The following VTI1A variants were observed in gnomAD, a reference collection of about 807,000 sequenced individuals.
VTI1A encodes the protein vesicle transport through interaction with t-SNAREs 1A.
VTI1A carries 22 observed loss-of-function variants against 34.9 expected under a neutral mutation model. The ratio of observed to expected loss-of-function variants is 0.63; its 90% CI spans 0.45 to 0.90. The LOEUF (loss-of-function observed/expected upper bound fraction) is 0.90, where lower values mean the gene tolerates loss of function less well. VTI1A is among the 40% of genes least tolerant of loss of function. The probability of loss-of-function intolerance (pLI) is 0.00; values close to 1 mark genes in which losing one functional copy is unlikely to be tolerated. For missense variants in VTI1A, 268 were observed against 275.6 expected (o/e 0.97, Z 0.20); for synonymous variants, 87 against 97.3 (o/e 0.89, Z 0.62).
intron 5 of VTI1A, among the ~76,000 whole-genome samples, chr10:112,662,249 G>GT (rs1195319603): frequency 3.9e-5 from 6 of 151,996 alleles, no homozygotes; most frequent in African/African-American, 1.4e-4. Flanking sequence ...TATTCATACC[G>GT]TTTTTTTGTC....
chr10:112,627,204 G>C (rs1347922035), intron 5 of VTI1A, among the ~76,000 whole-genome samples: 1 of 152,092 alleles, frequency 6.6e-6, no homozygotes, highest in East Asian at 1.9e-4. Flanking sequence ...GATAGACCTT[G>C]GGATTCTATT....
intron 5 of VTI1A, among the ~76,000 whole-genome samples, chr10:112,663,760 C>A (rs1003223134): frequency 6.6e-6 from 1 of 152,308 alleles, no homozygotes; most frequent in East Asian, 1.9e-4. Flanking sequence ...GTGTCAATCC[C>A]TCTGCTTCCT....
At chr10:112,634,342 C>T (rs983098207) in intron 5 of VTI1A, 1 of 152,534 alleles carries the variant, frequency 6.6e-6, no homozygotes, top group Admixed American at 6.5e-5. Context: ...CCTGAAGGCA[C>T]CCTCTCATAT....
intron 7 of VTI1A, among the ~76,000 whole-genome samples, chr10:112,759,955 G>A (rs963297623): frequency 9.9e-5 from 15 of 152,208 alleles, no homozygotes; most frequent in African/African-American, 1.2e-4. Flanking sequence ...GAGAAGTGAC[G>A]GGGCAGTTTG....
chr10:112,757,525 C>T (rs553892343), intron 7 of VTI1A, among the ~76,000 whole-genome samples: 3 of 150,556 alleles, frequency 2.0e-5, no homozygotes, highest in East Asian at 3.9e-4. Context: ...ACTGGGAATA[C>T]AGGCACGGGC....
At chr10:112,613,192 A>G (rs1488624454) in intron 5 of VTI1A, among the ~76,000 whole-genome samples, 2 of 152,210 alleles carry the variant, frequency 1.3e-5, no homozygotes, top group Admixed American at 1.3e-4. Context: ...ATTTTATACC[A>G]TTCAATATAC....
chr10:112,578,295 A>G (rs532546896), intron 5 of VTI1A, among the ~76,000 whole-genome samples: 4 of 152,292 alleles, frequency 2.6e-5, no homozygotes, highest in East Asian at 1.9e-4. Flanking sequence ...AGACGCAGCA[A>G]TTTGGCTCTG....
intron 7 of VTI1A, chr10:112,752,557 A>C (rs1010662771): frequency 1.0e-6 from 1 of 985,312 alleles, no homozygotes; most frequent in African/African-American, 1.7e-5. Flanking sequence ...TTCAGGGGGA[A>C]CATGCTTTGG....
At chr10:112,715,767 G>A (rs563714407) in intron 7 of VTI1A, among the ~76,000 whole-genome samples, 11 of 152,318 alleles carry the variant, frequency 7.2e-5, no homozygotes, top group South Asian at 2.1e-4. Context: ...CTTCAAGGGC[G>A]CAGTCAGCTT....
intron 7 of VTI1A, among the ~76,000 whole-genome samples, chr10:112,763,889 T>C (rs1390019004): frequency 1.3e-5 from 2 of 152,220 alleles, no homozygotes; most frequent in African/African-American, 4.8e-5. Context: ...ACTGCTTCAC[T>C]GGCATCTACA....
chr10:112,551,243 CAA>C (rs1161935841), intron 5 of VTI1A, among the ~76,000 whole-genome samples: 2,650 of 21,420 alleles, frequency 0.12, 9 homozygotes, highest in African/African-American at 0.18. Flanking sequence ...TACTCCATCT[CAA>C]AAAAAAAAAA....
chr10:112,447,668 G>C (rs534643128), intron 1 of VTI1A, among the ~76,000 whole-genome samples: 1 of 152,298 alleles, frequency 6.6e-6, no homozygotes, highest in African/African-American at 2.4e-5. Context: ...AGAGCCTTCG[G>C]AATCTGAGCC....
At chr10:112,687,778 G>A (rs930842925) in intron 7 of VTI1A, among the ~76,000 whole-genome samples, 19 of 151,918 alleles carry the variant, frequency 1.3e-4, no homozygotes, top group African/African-American at 4.4e-4. Context: ...CTCAGAAGAA[G>A]GAGGGGCTGA....
At chr10:112,533,966 C>T (rs991969790) in intron 4 of VTI1A, among the ~76,000 whole-genome samples, 2 of 151,922 alleles carry the variant, frequency 1.3e-5, no homozygotes, top group Non-Finnish European at 2.9e-5. Flanking sequence ...CTTAAATAAA[C>T]TCCTTTCCCC....
chr10:112,521,418 G>C (rs950384425), intron 3 of VTI1A, among the ~76,000 whole-genome samples: 3 of 151,986 alleles, frequency 2.0e-5, no homozygotes, highest in Admixed American at 2.0e-4. Flanking sequence ...AGCCATGTAT[G>C]CCTACTAGTT....
chr10:112,488,159 A>C (rs750392779), intron 3 of VTI1A, among the ~76,000 whole-genome samples: 1 of 152,206 alleles, frequency 6.6e-6, no homozygotes, highest in African/African-American at 2.4e-5. Context: ...TGTTTGTACT[A>C]TCAGGTACTA....
chr10:112,502,024 C>CTTTTTTT (rs71489973), intron 3 of VTI1A, among the ~76,000 whole-genome samples: 1 of 119,352 alleles, frequency 8.4e-6, no homozygotes, highest in Non-Finnish European at 1.7e-5. Flanking sequence ...AGAATCCTTA[C>CTTTTTTT]TTTTTTTTTT....
At chr10:112,489,669 G>A (rs1163741335) in intron 3 of VTI1A, among the ~76,000 whole-genome samples, 1 of 152,110 alleles carries the variant, frequency 6.6e-6, no homozygotes, top group East Asian at 1.9e-4. Flanking sequence ...GCTTATAAGT[G>A]CAGGAAATGT....
chr10:112,768,063 C>G (rs1299085489), intron 7 of VTI1A, among the ~76,000 whole-genome samples: 1 of 152,238 alleles, frequency 6.6e-6, no homozygotes, highest in East Asian at 1.9e-4. Flanking sequence ...AGGCTTCCCT[C>G]AACCCCTCTC....
Sources: allele counts gnomAD v4.1 joint callset (sites outside exome capture counted in the v4.1 genomes callset), GRCh38; gene constraint gnomAD v4.1.1; transcripts MANE v1.5; gene names NCBI Gene and HGNC (gene_info 2026-07-23, HGNC 2026-07-21).